IL1RAPL1: variants seen among roughly 807,000 people sequenced by gnomAD.
IL1RAPL1 encodes interleukin-1 receptor accessory protein-like 1.
In IL1RAPL1, 3 loss-of-function variants were observed where a neutral mutation model predicts 48.4. The ratio of observed to expected loss-of-function variants is 0.06; its 90% confidence interval spans 0.03 to 0.16. The LOEUF (loss-of-function observed/expected upper bound fraction) is 0.16. Among genes scored for constraint, IL1RAPL1 ranks in the 10% least tolerant of loss-of-function variants. IL1RAPL1 has a pLI of 1.00. For synonymous variants in IL1RAPL1, 185 were observed against 187.7 expected (o/e 0.99, Z 0.12); for missense variants, 349 against 530.6 (o/e 0.66, Z 3.36).
chrX:28,989,964 C>T (rs760531808), intron 2 of IL1RAPL1, among the ~76,000 whole-genome samples: 20 of 111,431 alleles, frequency 1.8e-4, no homozygotes, highest in Non-Finnish European at 3.6e-4. Context: ...AACAAGTTTG[C>T]AGTACTTTCA....
chrX:28,973,327 G>C (rs1925129883), intron 2 of IL1RAPL1, among the ~76,000 whole-genome samples: 1 of 112,156 alleles, frequency 8.9e-6, no homozygotes, highest in African/African-American at 3.2e-5. Context: ...TATGGCAATG[G>C]CACACACCAT....
In IL1RAPL1 at chrX:29,072,830, C is replaced by A. The variant is rs1243944300; in HGVS notation, c.83-210108C>A. Among the ~76,000 whole-genome samples the A allele has an allele frequency of 1.9e-4, 21 of 111,866 alleles. No individual in the cohort carries two copies. In the Admixed American group the frequency reaches 2.0e-3, roughly 11 times the overall value. ...CCTGGTACAGGCTATCCCTTTATTT[C>A]AAGGTTGCTAGACCTTCTTTTAGAC... is the stretch of plus-strand genomic sequence containing the variant. On this transcript the variant is annotated intron_variant, in intron 2 of 10. Transcript: ENST00000378993.
rs1041071760 is a variant in IL1RAPL1 at position 29,298,418 on chromosome X, T to C, written c.362+15201T>C. 5.4e-5 allele frequency among the ~76,000 whole-genome samples: 6 copies of C among 111,959 alleles called. No individual in the cohort carries two copies. In the East Asian group the frequency reaches 8.4e-4, roughly 16 times the overall value. On this transcript the variant is annotated intron_variant, in intron 3 of 10. Transcript: ENST00000378993. Reference sequence around the variant, plus strand: ...AACTGAAATCTGACTACTTCTGAGGTTGCACAAAAGTTCCACAGACTGTTC... The same window carrying C: ...AACTGAAATCTGACTACTTCTGAGGCTGCACAAAAGTTCCACAGACTGTTC...
At chrX:29,592,866 TCCTTGCA>T (rs1457648085) in intron 5 of IL1RAPL1, among the ~76,000 whole-genome samples, 1 of 111,747 alleles carries the variant, frequency 8.9e-6, no homozygotes, top group Non-Finnish European at 1.9e-5. Context: ...CTCAGCCAGC[TCCTTGCA>T]CCAGGCCCAC....
intron 9 of IL1RAPL1, among the ~76,000 whole-genome samples, chrX:29,950,186 G>GAGAT (rs1262873175): frequency 1.8e-5 from 2 of 112,002 alleles, no homozygotes; most frequent in African/African-American, 3.2e-5. Context: ...ATGACATAAG[G>GAGAT]AGATAGAAAA....
At chrX:28,723,379 A>G (rs1163211276) in intron 1 of IL1RAPL1, among the ~76,000 whole-genome samples, 4 of 111,367 alleles carry the variant, frequency 3.6e-5, no homozygotes, top group Admixed American at 9.6e-5. Context: ...GCTTATTTGC[A>G]TAGAGGTGTT....
chrX:28,841,241 T>G (rs1601926837), intron 2 of IL1RAPL1, among the ~76,000 whole-genome samples: 1 of 110,791 alleles, frequency 9.0e-6, no homozygotes, highest in African/African-American at 3.3e-5. Context: ...ACAAAGTCTT[T>G]TATGACTAGG....
intron 2 of IL1RAPL1, among the ~76,000 whole-genome samples, chrX:28,893,895 G>A (rs1241915182): frequency 1.8e-5 from 2 of 111,323 alleles, no homozygotes; most frequent in African/African-American, 3.3e-5. Flanking sequence ...AAGTTTCAGC[G>A]GGGGAGTAGG....
At chrX:28,723,108 A>G in intron 1 of IL1RAPL1, among the ~76,000 whole-genome samples, 1 of 111,651 alleles carries the variant, frequency 9.0e-6, no homozygotes, top group East Asian at 2.8e-4. Context: ...CTGGCCTCAT[A>G]AAATGAGTTA....
chrX:29,374,582 T>C (rs1388195113), intron 3 of IL1RAPL1, among the ~76,000 whole-genome samples: 1 of 109,714 alleles, frequency 9.1e-6, no homozygotes, highest in African/African-American at 3.3e-5. Flanking sequence ...ATTTGTCGAA[T>C]GAATGAAGGA....
chrX:28,731,289 C>G (rs759903251), intron 1 of IL1RAPL1, among the ~76,000 whole-genome samples: 1 of 111,200 alleles, frequency 9.0e-6, no homozygotes, highest in South Asian at 3.8e-4. Context: ...GAAATGTTCT[C>G]ACTGAACTGT....
At chrX:28,989,968 A>G (rs912774352) in intron 2 of IL1RAPL1, among the ~76,000 whole-genome samples, 7 of 112,011 alleles carry the variant, frequency 6.2e-5, no homozygotes, top group African/African-American at 2.3e-4. Flanking sequence ...AGTTTGCAGT[A>G]CTTTCAAGAC....
intron 3 of IL1RAPL1, among the ~76,000 whole-genome samples, chrX:29,340,684 G>C (rs1032708391): frequency 1.8e-5 from 2 of 111,768 alleles, no homozygotes; most frequent in Non-Finnish European, 3.8e-5. Flanking sequence ...GGTTCAGCCT[G>C]CAAGTACCCT....
intron 1 of IL1RAPL1, among the ~76,000 whole-genome samples, chrX:28,734,619 C>G (rs781544153): frequency 9.1e-6 from 1 of 109,435 alleles, no homozygotes; most frequent in East Asian, 2.9e-4. Context: ...CTGACTGTCA[C>G]CTCTGGCATT....
At position 29,089,749 on chromosome X, in the gene IL1RAPL1, AATATATATATATATATATATAT is replaced by A. The variant is rs1159198583; in HGVS notation, c.83-193172_83-193151del. 3.1e-3 allele frequency among the ~76,000 whole-genome samples: 52 copies of A among 16,978 alleles called. 3 individuals are homozygous for A. Among genetic ancestry groups the A allele is most frequent in the South Asian group, 8.9e-3 (1 of 112 alleles). 14.7% of individuals were successfully genotyped at this position (16,978 alleles called of 115,157 possible). ...TTCTACATGAAAGCAGAGAAATATG[AATATATATATATATATATATAT>A]ATATATATATATATATGTGCATACA... On this transcript the variant is annotated intron_variant, in intron 2 of 10. Coordinates refer to ENST00000378993, the MANE Select transcript of IL1RAPL1 (RefSeq NM_014271.4).
At chrX:29,916,593 G>C (rs1229854373) in intron 6 of IL1RAPL1, among the ~76,000 whole-genome samples, 2 of 111,690 alleles carry the variant, frequency 1.8e-5, no homozygotes, top group Non-Finnish European at 3.8e-5. Flanking sequence ...GCGGTAGCAA[G>C]ATCTTAAAAC....
At chrX:29,146,213 C>A (rs910204482) in intron 2 of IL1RAPL1, among the ~76,000 whole-genome samples, 1 of 111,556 alleles carries the variant, frequency 9.0e-6, no homozygotes, top group Non-Finnish European at 1.9e-5. Context: ...CACAAGGCTT[C>A]TTCCCTTTTC....
At chrX:28,861,636 A>G (rs1390652865) in intron 2 of IL1RAPL1, among the ~76,000 whole-genome samples, 1 of 111,227 alleles carries the variant, frequency 9.0e-6, no homozygotes, top group African/African-American at 3.3e-5. Context: ...AAGCACAATG[A>G]AAAACATCCC....
intron 2 of IL1RAPL1, among the ~76,000 whole-genome samples, chrX:29,162,365 A>G: frequency 1.8e-5 from 2 of 110,686 alleles, no homozygotes; most frequent in African/African-American, 6.6e-5. Flanking sequence ...CCAGAACTTC[A>G]AGTAAAATAA....
Sources: gnomAD v4.1 joint callset for allele counts (sites outside exome capture counted in the v4.1 genomes callset) on GRCh38, gnomAD v4.1.1 for gene constraint, MANE v1.5 for transcripts, NCBI Gene and HGNC (gene_info 2026-07-23, HGNC 2026-07-21) for gene names.